MYO9B: variants seen among roughly 807,000 people sequenced by gnomAD.
MYO9B encodes unconventional myosin-IXb.
A neutral mutation model predicts 229.5 loss-of-function variants in MYO9B; 71 were observed. The observed-to-expected ratio is 0.31, with a 90% CI of 0.26 to 0.38. The LOEUF is 0.38. Among genes scored for constraint, MYO9B ranks in the 10% least tolerant of loss-of-function variants. The pLI is 1.00. For missense variants in MYO9B, 2,255 were observed against 2,920.5 expected (o/e 0.77, Z 5.25); for synonymous variants, 1,185 against 1,235.8 (o/e 0.96, Z 0.86).
intron 1 of MYO9B, among the ~76,000 whole-genome samples, chr19:17,097,329 TA>T (rs10667866): frequency 3.0e-4 from 42 of 137,718 alleles, no homozygotes; most frequent in Non-Finnish European, 3.5e-4. Flanking sequence ...TCAAAAAAAT[TA>T]AAAAAAAAAA....
rs572648440 is a variant in MYO9B, at chr19:17,212,795, G to T, written c.*485G>T. The T allele has an allele frequency of 6.5e-6, 1 of 154,388 alleles. No homozygotes were observed. The highest frequency in any genetic ancestry group is 2.4e-5 in the African/African-American group (1 of 41,644). The allele number at this position is 154,388 out of a possible 1,614,324, so 9.6% of individuals were successfully genotyped here. A position where few individuals can be genotyped will look rare whatever the true frequency, so the allele number is the denominator to read the frequency against. ...CAGACCCTGCTGTGGTTGGCTTGGG[G>T]TGGCCAATGGGCTGGGACCCTCCAT... On this transcript the variant is annotated 3_prime_UTR_variant, in exon 40 of 40. Transcript: ENST00000682292. This position sits in a 1 kb window ranked among gnomAD's most constrained non-coding sequence, Gnocchi z 5.4.
At chr19:17,131,252 A>G (rs1046999842) in intron 2 of MYO9B, among the ~76,000 whole-genome samples, 2 of 152,206 alleles carry the variant, frequency 1.3e-5, no homozygotes, top group Non-Finnish European at 2.9e-5. Context: ...CATCCTGCCC[A>G]TGTGTTAATG....
chr19:17,153,270 G>A (rs961767686), intron 4 of MYO9B, among the ~76,000 whole-genome samples: 4 of 151,124 alleles, frequency 2.6e-5, no homozygotes, highest in Non-Finnish European at 5.9e-5. Context: ...TGCAACCTCC[G>A]CCTCCTGGAT....
In MYO9B at chr19:17,120,825, A is replaced by G. The variant is rs558876808; in HGVS notation, c.840+18268A>G. 5.3e-4 allele frequency among the ~76,000 whole-genome samples: 81 copies of G among 152,290 alleles called. 1 individual carries two copies. Among genetic ancestry groups the G allele is most frequent in the South Asian group, 4.1e-3 (20 of 4,822 alleles). ...AGATATATAACAGCAGATATAGAGC[A>G]GTTTAGTCCTGACATGGTGGCACAT... On this transcript the variant is annotated intron_variant, in intron 2 of 39. Transcript: ENST00000682292.
intron 2 of MYO9B, among the ~76,000 whole-genome samples, chr19:17,105,558 C>T (rs2057785298): frequency 6.6e-6 from 1 of 152,104 alleles, no homozygotes; most frequent in Admixed American, 6.6e-5. Context: ...ATTTCTTTTG[C>T]TGAATTGTAG....
At chr19:17,126,404 A>C (rs1216885094) in intron 2 of MYO9B, among the ~76,000 whole-genome samples, 2 of 152,136 alleles carry the variant, frequency 1.3e-5, no homozygotes, top group Non-Finnish European at 2.9e-5. Flanking sequence ...ATCCCCGGAA[A>C]ACCCCATTTA....
intron 8 of MYO9B, among the ~76,000 whole-genome samples, chr19:17,161,903 G>A (rs1044827665): frequency 2.0e-5 from 3 of 150,924 alleles, no homozygotes; most frequent in Admixed American, 6.6e-5. Context: ...CAGGAAGATT[G>A]CTTGAGCCCA....
chr19:17,145,627 T>C (rs2072399902), intron 3 of MYO9B, 136 bp downstream of exon 3: 1 of 788,810 alleles, frequency 1.3e-6, no homozygotes, highest in East Asian at 2.6e-5. Context: ...CGAGTGTGAT[T>C]TTTAGGTCTT....
intron 2 of MYO9B, among the ~76,000 whole-genome samples, chr19:17,104,823 C>A (rs144421879): frequency 4.4e-4 from 67 of 152,160 alleles, no homozygotes; most frequent in Admixed American, 7.9e-4. Context: ...TCCCATGTAC[C>A]CCTCCCACGC....
chr19:17,110,951 C>T (rs1366681311), intron 2 of MYO9B, among the ~76,000 whole-genome samples: 1 of 152,172 alleles, frequency 6.6e-6, no homozygotes, highest in Admixed American at 6.5e-5. Flanking sequence ...CAAACCCAGT[C>T]TCATGTTTCC....
chr19:17,196,802 TGATG>T (rs1440334367), intron 22 of MYO9B, among the ~76,000 whole-genome samples: 1 of 149,898 alleles, frequency 6.7e-6, no homozygotes, highest in Non-Finnish European at 1.5e-5. Context: ...TAGGTAGAGA[TGATG>T]GATGGCTGGG....
At chr19:17,104,003 C>G (rs2057770014) in intron 2 of MYO9B, among the ~76,000 whole-genome samples, 1 of 151,068 alleles carries the variant, frequency 6.6e-6, no homozygotes, top group South Asian at 2.1e-4. Context: ...TTGCAGTGAG[C>G]CAAGATCGCT....
chr19:17,077,832 AT>A (rs1272739389), intron 1 of MYO9B, among the ~76,000 whole-genome samples: 4 of 151,852 alleles, frequency 2.6e-5, no homozygotes, highest in Non-Finnish European at 5.9e-5. Context: ...TCCAAAAATG[AT>A]TTTTTTTCAA....
intron 21 of MYO9B, among the ~76,000 whole-genome samples, chr19:17,194,338 G>C (rs1156909979): frequency 3.9e-5 from 6 of 152,182 alleles, no homozygotes; most frequent in Admixed American, 3.3e-4. Context: ...CAGCCAGGCA[G>C]ACGCAGGGCA....
At chr19:17,079,951 G>A (rs915718026) in intron 1 of MYO9B, among the ~76,000 whole-genome samples, 5 of 152,150 alleles carry the variant, frequency 3.3e-5, no homozygotes, top group Non-Finnish European at 7.4e-5. Context: ...CCAGAGCCCC[G>A]TTCCCTTTCA....
At chr19:17,157,784 G>A (rs1223027076) in intron 7 of MYO9B, 1 of 152,364 alleles carries the variant, frequency 6.6e-6, no homozygotes, top group Non-Finnish European at 1.5e-5. Flanking sequence ...AGGGGGCCAA[G>A]GCAGGAAGAT....
At chr19:17,159,355 A>G (rs373161004) in intron 7 of MYO9B, 40 bp from the exon 8 acceptor site, 1 of 1,542,154 alleles carries the variant, frequency 6.5e-7, no homozygotes, top group South Asian at 1.2e-5. Context: ...TAAGTCCTCC[A>G]TCTCCCTTTT....
intron 4 of MYO9B, among the ~76,000 whole-genome samples, 172 bp from the exon 5 acceptor site, chr19:17,153,795 G>A (rs1333206490): frequency 6.6e-6 from 1 of 151,912 alleles, no homozygotes; most frequent in Non-Finnish European, 1.5e-5. Context: ...ACTCGCTCAC[G>A]ACACTCATTT....
chr19:17,194,860 C>T lies in MYO9B; in HGVS notation c.3433C>T (p.Arg1145Trp), dbSNP rs34167438. 35 of 1,613,156 alleles carry T rather than the reference C, an allele frequency of 2.2e-5. No individual in the cohort carries two copies. The highest frequency in any genetic ancestry group is 2.6e-5 in the Non-Finnish European group (31 of 1,179,894). Reference sequence around the variant, plus strand: ...AAGTCACGAGAAAGTCCCCAGCAGCCGGGAGAAGCGTGAGTCGCGTCGGCA... The same window carrying T: ...AAGTCACGAGAAAGTCCCCAGCAGCTGGGAGAAGCGTGAGTCGCGTCGGCA... Reference protein sequence around the residue: ...AESHEKVPSSREKRESRRQRG... With the variant: ...AESHEKVPSSWEKRESRRQRG... The change falls in exon 22 of 40, where the codon CGG becomes TGG. Residue 1145 changes from arginine (R) to tryptophan (W), a missense_variant. Coordinates refer to ENST00000682292, the MANE Select transcript of MYO9B (RefSeq NM_004145.4).
Sources: gnomAD v4.1 joint callset for allele counts (sites outside exome capture counted in the v4.1 genomes callset) on GRCh38, gnomAD v4.1.1 for gene constraint, Gnocchi (gnomAD v3.1) non-coding constraint, MANE v1.5 for transcripts, NCBI Gene and HGNC (gene_info 2026-07-23, HGNC 2026-07-21) for gene names.